The following GLIS3 variants were observed in gnomAD, a reference collection of about 807,000 sequenced individuals.
GLIS3 encodes the protein zinc finger protein GLIS3.
A neutral mutation model predicts 78.6 loss-of-function variants in GLIS3; 53 were observed. The ratio of observed to expected loss-of-function variants is 0.67; its 90% CI spans 0.54 to 0.85. GLIS3 has a LOEUF of 0.85. Ranked by LOEUF, GLIS3 falls within the 40% of genes least tolerant of loss-of-function variation. The pLI is 0.00. For missense variants in GLIS3, 1,703 were observed against 1,231.1 expected, an observed-to-expected ratio of 1.38 and a Z score of -5.74; for synonymous variants, 684 against 509.9, an observed-to-expected ratio of 1.34 and a Z score of -4.60.
At chr9:4,265,508 T>C (rs953227854) in intron 2 of GLIS3, among the ~76,000 whole-genome samples, 2 of 152,108 alleles carry the variant, frequency 1.3e-5, no homozygotes, top group African/African-American at 2.4e-5. Flanking sequence ...CTGTGCTATA[T>C]ACTGCCTCTA....
chr9:4,290,092 A>AC (rs755013499), intron 1 of GLIS3, among the ~76,000 whole-genome samples: 4 of 152,150 alleles, frequency 2.6e-5, no homozygotes, highest in African/African-American at 4.8e-5. Flanking sequence ...CAAGAACATG[A>AC]CTTCCATAAT....
At position 3,970,876 on chromosome 9, in the gene GLIS3, A is replaced by T. The variant is rs7027384; in HGVS notation, c.1711-33687T>A. Among the ~76,000 whole-genome samples the T allele has an allele frequency of 9.6e-4, 146 of 152,252 alleles. 1 individual carries two copies. Among genetic ancestry groups the T allele is most frequent in the Non-Finnish European group, 1.7e-3 (116 of 68,016 alleles). On this transcript the variant is annotated intron_variant, in intron 4 of 10. Coordinates refer to ENST00000381971, the MANE Select transcript of GLIS3 (RefSeq NM_001042413.2). ...AGTTCAAAGCAGGTTCAGAGGCACA[A>T]CATTGGCTGTATTTGCCCTGCTATA...
intron 7 of GLIS3, among the ~76,000 whole-genome samples, chr9:3,880,528 G>A (rs2130469054): frequency 6.6e-6 from 1 of 152,256 alleles, no homozygotes; most frequent in South Asian, 2.1e-4. Flanking sequence ...AAGTTATGCT[G>A]AGCTCCATAC....
the GLIS3 span, among the ~76,000 whole-genome samples, chr9:4,435,714 C>T: frequency 6.6e-6 from 1 of 152,302 alleles, no homozygotes; most frequent in East Asian, 1.9e-4. Flanking sequence ...CTTTGGGAGG[C>T]CAAGGCGGGC....
At chr9:3,953,397 C>T (rs552948459) in intron 4 of GLIS3, among the ~76,000 whole-genome samples, 1 of 152,238 alleles carries the variant, frequency 6.6e-6, no homozygotes, top group African/African-American at 2.4e-5. Flanking sequence ...CAGATCATTC[C>T]TTCCAACAGT....
the GLIS3 span, among the ~76,000 whole-genome samples, chr9:4,357,719 C>T: frequency 6.6e-6 from 1 of 152,088 alleles, no homozygotes; most frequent in African/African-American, 2.4e-5. Context: ...TGAGCATAAG[C>T]CTTTGATCAA....
At chr9:4,337,704 G>C (rs1817774398) in intron 2 of GLIS3, among the ~76,000 whole-genome samples, 1 of 152,012 alleles carries the variant, frequency 6.6e-6, no homozygotes, top group South Asian at 2.1e-4. Context: ...ATATCACAAG[G>C]CCAGACAAAA....
At chr9:3,871,474 C>G (rs950109583) in intron 8 of GLIS3, among the ~76,000 whole-genome samples, 2 of 152,204 alleles carry the variant, frequency 1.3e-5, no homozygotes, top group African/African-American at 4.8e-5. Flanking sequence ...AAACTTCTGC[C>G]TGGGTATCCA....
chr9:4,294,386 G>A (rs548616944), intron 1 of GLIS3, among the ~76,000 whole-genome samples: 2 of 152,208 alleles, frequency 1.3e-5, no homozygotes, highest in African/African-American at 4.8e-5. Context: ...GCACATGCCT[G>A]TAATCCCAAC....
At chr9:3,883,487 G>A (rs1821871948) in intron 7 of GLIS3, among the ~76,000 whole-genome samples, 1 of 152,196 alleles carries the variant, frequency 6.6e-6, no homozygotes, top group African/African-American at 2.4e-5. Context: ...GAGTAAAACT[G>A]TAATGTCATT....
chr9:4,092,528 T>A (rs1275594411), intron 4 of GLIS3, among the ~76,000 whole-genome samples: 2 of 152,234 alleles, frequency 1.3e-5, no homozygotes, highest in African/African-American at 2.4e-5. Flanking sequence ...CATAAGCTTT[T>A]AAAAATTTTT....
intron 2 of GLIS3, among the ~76,000 whole-genome samples, chr9:4,149,501 C>T (rs573168579): frequency 6.6e-6 from 1 of 152,344 alleles, no homozygotes; most frequent in Non-Finnish European, 1.5e-5. Context: ...AAAGCTGGAA[C>T]TCACACTCAC....
intron 2 of GLIS3, among the ~76,000 whole-genome samples, chr9:4,139,627 G>T (rs1052399131): frequency 1.3e-5 from 2 of 152,056 alleles, no homozygotes; most frequent in East Asian, 1.9e-4. Context: ...TGGCCCCAGG[G>T]ACTGGTTTCA....
intron 7 of GLIS3, among the ~76,000 whole-genome samples, chr9:3,889,099 G>GA (rs1251087422): frequency 2.0e-5 from 3 of 151,832 alleles, no homozygotes; most frequent in East Asian, 1.9e-4. Flanking sequence ...TCCTTTCTAG[G>GA]AAAAAAAATC....
chr9:4,277,050 T>C (rs1251387587), intron 2 of GLIS3, among the ~76,000 whole-genome samples: 2 of 152,160 alleles, frequency 1.3e-5, no homozygotes, highest in African/African-American at 4.8e-5. Flanking sequence ...AACCACGGAT[T>C]TTGCCCCAAC....
chr9:4,017,733 TG>T (rs1822553185), intron 4 of GLIS3, among the ~76,000 whole-genome samples: 1 of 152,168 alleles, frequency 6.6e-6, no homozygotes, highest in African/African-American at 2.4e-5. Context: ...AATCCAAGAA[TG>T]TGCAGGGGAT....
intron 2 of GLIS3, among the ~76,000 whole-genome samples, chr9:4,284,692 C>T (rs183936178): frequency 6.6e-6 from 1 of 151,486 alleles, no homozygotes; most frequent in Non-Finnish European, 1.5e-5. Flanking sequence ...AGGCAGATCA[C>T]TTGAGCTCAG....
intron 4 of GLIS3, among the ~76,000 whole-genome samples, chr9:4,095,955 C>A (rs1255461920): frequency 7.8e-6 from 1 of 128,890 alleles, no homozygotes; most frequent in Non-Finnish European, 1.6e-5. Context: ...GTTCTGCCTA[C>A]AAAAATGGGC....
At chr9:4,249,381 G>A (rs959551700) in intron 2 of GLIS3, among the ~76,000 whole-genome samples, 3 of 152,068 alleles carry the variant, frequency 2.0e-5, no homozygotes, top group African/African-American at 7.2e-5. Flanking sequence ...CCTCTTTGTA[G>A]CAATTGTGAA....
Sources: allele counts gnomAD v4.1 joint callset (sites outside exome capture counted in the v4.1 genomes callset), GRCh38; gene constraint gnomAD v4.1.1; transcripts MANE v1.5; gene names NCBI Gene and HGNC (gene_info 2026-07-23, HGNC 2026-07-21).